FILIP1: variants seen among roughly 807,000 people sequenced by gnomAD.
The protein encoded by FILIP1 is filamin-A-interacting protein 1.
In FILIP1, 61 loss-of-function variants were observed where a neutral mutation model predicts 102.1. That is an observed-to-expected ratio of 0.60 (90% CI 0.49 to 0.74). The LOEUF is 0.74. FILIP1 is among the 30% of genes least tolerant of loss of function. The probability of loss-of-function intolerance (pLI) is 0.00; values close to 1 mark genes in which losing one functional copy is unlikely to be tolerated. For missense variants in FILIP1, 1,314 were observed against 1,441.2 expected (o/e 0.91, Z 1.43); for synonymous variants, 491 against 526.9 (o/e 0.93, Z 0.93).
At chr6:75,330,764 G>T (rs755604278) in intron 4 of FILIP1, among the ~76,000 whole-genome samples, 3 of 152,100 alleles carry the variant, frequency 2.0e-5, no homozygotes, top group Non-Finnish European at 2.9e-5. Flanking sequence ...TATCATAAAT[G>T]AAGTTTTATT....
At chr6:75,452,380 T>C (rs556241730) in intron 1 of FILIP1, among the ~76,000 whole-genome samples, 9 of 152,236 alleles carry the variant, frequency 5.9e-5, no homozygotes, top group Admixed American at 5.2e-4. Flanking sequence ...GTCCTTGCGA[T>C]AGTTTGCTGA....
chr6:75,343,324 G>A (rs1246095551), intron 4 of FILIP1, among the ~76,000 whole-genome samples: 1 of 152,160 alleles, frequency 6.6e-6, no homozygotes, highest in Non-Finnish European at 1.5e-5. Context: ...TGTTATGGCA[G>A]ACCAAGCAAA....
At chr6:75,473,384 A>G (rs1779385604) in intron 1 of FILIP1, among the ~76,000 whole-genome samples, 1 of 152,196 alleles carries the variant, frequency 6.6e-6, no homozygotes, top group African/African-American at 2.4e-5. Flanking sequence ...TCTGAGTATT[A>G]GATGATACTG....
intron 2 of FILIP1, among the ~76,000 whole-genome samples, chr6:75,390,548 G>A (rs543561640): frequency 9.2e-5 from 14 of 152,084 alleles, no homozygotes; most frequent in Admixed American, 4.6e-4. Context: ...GCAAAAGCAG[G>A]AGCAAGAGAG....
intron 2 of FILIP1, among the ~76,000 whole-genome samples, chr6:75,400,658 C>T (rs1265122928): frequency 6.6e-6 from 1 of 152,024 alleles, no homozygotes; most frequent in Non-Finnish European, 1.5e-5. Flanking sequence ...AATCTAGCTC[C>T]CTTAATTTGG....
intron 4 of FILIP1, among the ~76,000 whole-genome samples, chr6:75,320,429 T>C (rs1425442868): frequency 6.6e-6 from 1 of 151,828 alleles, no homozygotes; most frequent in Non-Finnish European, 1.5e-5. Flanking sequence ...AAACAAAAAT[T>C]AGCTGTGTGT....
chr6:75,325,181 C>T (rs1017896867), intron 4 of FILIP1, among the ~76,000 whole-genome samples: 12 of 152,068 alleles, frequency 7.9e-5, no homozygotes, highest in African/African-American at 2.9e-4. Context: ...TTTGGGAGGC[C>T]GAGGCCAAGG....
intron 1 of FILIP1, among the ~76,000 whole-genome samples, chr6:75,425,752 C>T (rs1426309125): frequency 6.6e-6 from 1 of 152,114 alleles, no homozygotes; most frequent in African/African-American, 2.4e-5. Flanking sequence ...AGATGTGCTA[C>T]CCACTGTGTA....
In FILIP1 at chr6:75,308,710, A is replaced by C. The variant is rs1353917963; in HGVS notation, c.3623T>G (p.Leu1208Arg). ...CTGCCCTCAGCCCTTCCCCCCTCCG[A>C]GAGAGGTGGTGCTGCTGGCTGCAGA... Reference protein sequence around the residue: ...KKSAASSTTSLGGGKG With the variant: ...KKSAASSTTSRGGGKG Residue 1208 changes from leucine (L) to arginine (R), a missense_variant, in exon 6 of 6, where the codon CTC becomes CGC. Physicochemically the swap from Leu to Arg is moderately radical, Grantham distance 102. This residue lies in a region of FILIP1 where 816 missense variants were observed against 913.1 expected (regional missense o/e 0.89). Transcript: ENST00000237172. The C allele has an allele frequency of 6.2e-6, 10 of 1,612,984 alleles. No homozygotes were observed. The highest frequency in any genetic ancestry group is 8.5e-6 in the Non-Finnish European group (10 of 1,179,986).
At chr6:75,345,021 G>A (rs183082117) in intron 4 of FILIP1, among the ~76,000 whole-genome samples, 2 of 152,232 alleles carry the variant, frequency 1.3e-5, no homozygotes, top group East Asian at 3.9e-4. Flanking sequence ...TACCCTTACT[G>A]GGTTCTCACT....
intron 1 of FILIP1, among the ~76,000 whole-genome samples, chr6:75,488,442 A>AG (rs1425200281): frequency 6.6e-6 from 1 of 151,312 alleles, no homozygotes; most frequent in Non-Finnish European, 1.5e-5. Context: ...TGACCATTTA[A>AG]GAAAAAAAAA....
At chr6:75,479,867 T>TA (rs1779600098) in intron 1 of FILIP1, among the ~76,000 whole-genome samples, 1 of 8,178 alleles carries the variant, frequency 1.2e-4, no homozygotes, top group Non-Finnish European at 2.3e-4. Flanking sequence ...AAGCTGTATC[T>TA]CAAAAAAAAA....
chr6:75,447,545 T>G (rs1426480410), intron 1 of FILIP1, among the ~76,000 whole-genome samples: 1 of 152,140 alleles, frequency 6.6e-6, no homozygotes, highest in Non-Finnish European at 1.5e-5. Flanking sequence ...CTTACCAAAC[T>G]GAGATGATTT....
At chr6:75,413,395 T>C (rs1421797937) in intron 2 of FILIP1, among the ~76,000 whole-genome samples, 1 of 152,190 alleles carries the variant, frequency 6.6e-6, no homozygotes, top group African/African-American at 2.4e-5. Flanking sequence ...TTAGTAACAG[T>C]GGCTGCTCTA....
chr6:75,491,940 C>T (rs1042110618), intron 1 of FILIP1, among the ~76,000 whole-genome samples: 3 of 152,146 alleles, frequency 2.0e-5, no homozygotes, highest in Non-Finnish European at 2.9e-5. Flanking sequence ...TGGCCTTACA[C>T]ATACATTTTT....
At chr6:75,447,048 A>T (rs1462372961) in intron 1 of FILIP1, among the ~76,000 whole-genome samples, 1 of 152,194 alleles carries the variant, frequency 6.6e-6, no homozygotes, top group African/African-American at 2.4e-5. Context: ...CCTCCAAAAA[A>T]GTAGCATATT....
chr6:75,493,796 A>G lies in FILIP1; in HGVS notation c.-389T>C, dbSNP rs1254445911. On this transcript the variant is annotated 5_prime_UTR_variant, in exon 1 of 6. Coordinates refer to ENST00000237172, the MANE Select transcript of FILIP1 (RefSeq NM_015687.5). ...TCACAACACTGTCAGAGCAATGGCT[A>G]TGTTGAGGAGCTGAGCTCGCGGGTG... 2 of 152,176 alleles carry G rather than the reference A, an allele frequency of 1.3e-5. No individual in the cohort carries two copies. The highest frequency in any genetic ancestry group is 2.9e-5 in the Non-Finnish European group (2 of 68,036). The allele number at this position is 152,176 out of a possible 1,614,324, so 9.4% of individuals were successfully genotyped here. A position where few individuals can be genotyped will look rare whatever the true frequency, so the allele number is the denominator to read the frequency against.
At chr6:75,375,297 A>T (rs557043643) in intron 2 of FILIP1, among the ~76,000 whole-genome samples, 4 of 152,368 alleles carry the variant, frequency 2.6e-5, no homozygotes, top group Admixed American at 2.0e-4. Context: ...TCTATAGCTT[A>T]CATCATGCTC....
At chr6:75,380,152 CAA>C (rs1775865082) in intron 2 of FILIP1, among the ~76,000 whole-genome samples, 1 of 146,804 alleles carries the variant, frequency 6.8e-6, no homozygotes, top group Non-Finnish European at 1.5e-5. Flanking sequence ...TCTGAAATAA[CAA>C]AGAAAAAAAT....
Sources: allele counts gnomAD v4.1 joint callset (sites outside exome capture counted in the v4.1 genomes callset), GRCh38; gene constraint gnomAD v4.1.1; regional missense constraint gnomAD v4.1.1; transcripts MANE v1.5; gene names NCBI Gene and HGNC (gene_info 2026-07-23, HGNC 2026-07-21).